The following NCOA6 variants were observed in gnomAD, a reference collection of about 807,000 sequenced individuals.
NCOA6 encodes the protein NRC RAP250.
Under a neutral mutation model 171.4 loss-of-function variants are expected in NCOA6, and 49 were observed. That is an observed-to-expected ratio of 0.29 (90% CI 0.23 to 0.36). NCOA6 has a LOEUF of 0.36. Among genes scored for constraint, NCOA6 ranks in the 10% least tolerant of loss-of-function variants. The pLI is 1.00. For missense variants in NCOA6, 2,248 were observed against 2,554.5 expected, an observed-to-expected ratio of 0.88 and a Z score of 2.59; for synonymous variants, 910 against 927.5, an observed-to-expected ratio of 0.98 and a Z score of 0.34.
chr20:34,793,480 T>G (rs2077961728), intron 1 of NCOA6, among the ~76,000 whole-genome samples: 1 of 152,136 alleles, frequency 6.6e-6, no homozygotes, highest in African/African-American at 2.4e-5. Flanking sequence ...TGCATGGAAC[T>G]TGCATGGTGG....
chr20:34,791,703 G>A (rs972735879), intron 2 of NCOA6, among the ~76,000 whole-genome samples: 1 of 152,196 alleles, frequency 6.6e-6, no homozygotes, highest in South Asian at 2.1e-4. Context: ...AACAATGACT[G>A]CTTGCCAGAG....
intron 1 of NCOA6, among the ~76,000 whole-genome samples, chr20:34,797,653 C>T (rs1166182651): frequency 3.3e-5 from 5 of 151,832 alleles, no homozygotes; most frequent in Non-Finnish European, 5.9e-5. Flanking sequence ...TTTGGGAGGC[C>T]GAGGTGGGTA....
In NCOA6 at chr20:34,776,389, T is replaced by G; in HGVS notation, c.295A>C (p.Asn99His). Residue 99 changes from asparagine to histidine, a missense_variant, in exon 4 of 15, where the codon AAC (asparagine) becomes CAC (histidine). By Grantham distance (68) the Asn-to-His change is moderately conservative (BLOSUM62 1). Around this residue, in one of 7 missense-constraint regions of NCOA6, gnomAD observed 987 missense variants for 1,104.7 expected, o/e 0.89. Coordinates refer to ENST00000359003, the MANE Select transcript of NCOA6 (RefSeq NM_014071.5). ...EPWNSVRVTFNIPREAAERLR... is the reference protein window; with the variant it reads ...EPWNSVRVTFHIPREAAERLR... ...CGCTCCGCTGCTTCCCGGGGGATGT[T>G]GAATGTCACACGCACGCTGTTCCAG... The G allele has an allele frequency of 6.2e-7, 1 of 1,614,196 alleles. No homozygotes were observed. The highest frequency in any genetic ancestry group is 8.5e-7 in the Non-Finnish European group (1 of 1,180,038).
intron 2 of NCOA6, among the ~76,000 whole-genome samples, chr20:34,791,360 T>C (rs1294244088): frequency 6.6e-6 from 1 of 152,242 alleles, no homozygotes; most frequent in Admixed American, 6.5e-5. Context: ...GAGTATTCTC[T>C]AAGTAGGGAG....
chr20:34,805,667 T>C (rs1568882685), intron 1 of NCOA6, among the ~76,000 whole-genome samples: 1 of 151,936 alleles, frequency 6.6e-6, no homozygotes, highest in East Asian at 1.9e-4. Flanking sequence ...CTGGATCATA[T>C]GGTAGTTCTC....
chr20:34,734,464 C>T (rs1293234098), intron 12 of NCOA6, among the ~76,000 whole-genome samples: 1 of 152,056 alleles, frequency 6.6e-6, no homozygotes, highest in African/African-American at 2.4e-5. Flanking sequence ...GTCAGGTGAT[C>T]CTCCTACCTC....
In NCOA6 at chr20:34,732,574, A is replaced by G; in HGVS notation, c.5984T>C (p.Ile1995Thr). The G allele has an allele frequency of 6.2e-7, 1 of 1,613,854 alleles. No individual in the cohort carries two copies. Among genetic ancestry groups the G allele is most frequent in the Admixed American group, 1.7e-5 (1 of 60,022 alleles). The change falls in exon 13 of 15, where the codon ATA becomes ACA. Residue 1995 changes from isoleucine (I) to threonine (T), a missense_variant. This residue lies in a region of NCOA6 where 884 missense variants were observed against 941.9 expected (regional missense o/e 0.94). Coordinates refer to ENST00000359003, the MANE Select transcript of NCOA6 (RefSeq NM_014071.5). Reference protein sequence around the residue: ...ARPELEVNAAIVSGQSSEPKE... With the variant: ...ARPELEVNAATVSGQSSEPKE... ...ATCATCTTACCTTTGTCCAGAGACT[A>G]TGGCAGCATTTACCTCCAGCTCTGC...
At chr20:34,770,713 G>A (rs990106465) in intron 4 of NCOA6, among the ~76,000 whole-genome samples, 3 of 150,970 alleles carry the variant, frequency 2.0e-5, no homozygotes, top group South Asian at 2.1e-4. Flanking sequence ...TCACTGTAAC[G>A]TCTGCCTCCG....
chr20:34,746,669 AAT>A, intron 10 of NCOA6, 136 bp downstream of exon 10: 1 of 1,046,126 alleles, frequency 9.6e-7, no homozygotes, highest in Non-Finnish European at 1.3e-6. Flanking sequence ...AAAGCTTCCA[AAT>A]ACCAGACACA....
chr20:34,753,921 T>C lies in NCOA6; in HGVS notation c.1675+801A>G, dbSNP rs148494304. Among the ~76,000 whole-genome samples the C allele has an allele frequency of 7.9e-5, 12 of 152,320 alleles. 1 individual carries two copies. The East Asian group carries it at 2.3e-3, about 29-fold the overall frequency. The stretch of plus-strand genomic sequence containing the variant: ...CTAGTTGCACTATCTCAGTCCAAAC[T>C]GCTTCAATGAGAAAGGGTAAGAGGA... On this transcript the variant is annotated intron_variant, in intron 8 of 14. Coordinates refer to ENST00000359003, the MANE Select transcript of NCOA6 (RefSeq NM_014071.5).
intron 11 of NCOA6, chr20:34,739,017 C>T: frequency 2.3e-6 from 1 of 439,706 alleles, no homozygotes; most frequent in African/African-American, 2.0e-5. Context: ...TGACTGACTC[C>T]ACTCTGGGGA....
In NCOA6 at chr20:34,742,115, G is replaced by A. The variant is rs2076163433; in HGVS notation, c.4141C>T (p.Leu1381=). ...PRNVLVSPTP[L]ANPPVPGSFP... ...CTCCCAGGTACAGGGGGATTGGCCA[G>A]AGGAGTGGGACTGACCAATACATTT... The change falls in exon 11 of 15, where the codon CTG becomes TTG. Residue 1381 remains leucine (L), a synonymous_variant. Coordinates refer to ENST00000359003, the MANE Select transcript of NCOA6 (RefSeq NM_014071.5). 6.2e-7 allele frequency: 1 copy of A among 1,614,210 alleles called. No homozygotes were observed. Among genetic ancestry groups the A allele is most frequent in the Non-Finnish European group, 8.5e-7 (1 of 1,180,040 alleles).
Position 34,740,741 on chromosome 20 carries a change from G to T in NCOA6, c.5515C>A (p.Leu1839Ile). Residue 1839 changes from leucine (L) to isoleucine (I), a missense_variant, in exon 11 of 15, where the codon CTT (leucine) becomes ATT (isoleucine). This residue lies in a region of NCOA6 where 884 missense variants were observed against 941.9 expected (regional missense o/e 0.94). Coordinates refer to ENST00000359003, the MANE Select transcript of NCOA6 (RefSeq NM_014071.5). Reference sequence around the variant, plus strand: ...CCATATTGTTCTTCCCCTTTCTCAAGAGAGCCTGTAACTTTCTTACATGCC... The same window carrying T: ...CCATATTGTTCTTCCCCTTTCTCAATAGAGCCTGTAACTTTCTTACATGCC... ...TKACKKVTGSLEKGEEQYGAD... is the reference protein window; with the variant it reads ...TKACKKVTGSIEKGEEQYGAD... 1 of 1,614,226 alleles carries T rather than the reference G, an allele frequency of 6.2e-7. No individual in the cohort carries two copies. Among genetic ancestry groups the T allele is most frequent in the South Asian group, 1.1e-5 (1 of 91,090 alleles).
At chr20:34,735,725 C>T (rs1318172297) in intron 12 of NCOA6, among the ~76,000 whole-genome samples, 2 of 152,094 alleles carry the variant, frequency 1.3e-5, no homozygotes, top group African/African-American at 4.8e-5. Context: ...TTTCAGAGGC[C>T]TGATTTTATT....
At chr20:34,794,368 A>G (rs1359131355) in intron 1 of NCOA6, among the ~76,000 whole-genome samples, 3 of 152,194 alleles carry the variant, frequency 2.0e-5, no homozygotes, top group Non-Finnish European at 4.4e-5. Flanking sequence ...CTACAGATAC[A>G]CTTATCATCA....
chr20:34,743,096 C>T lies in NCOA6; in HGVS notation c.3160G>A (p.Val1054Ile), dbSNP rs1177684809. 1.2e-6 allele frequency: 2 copies of T among 1,613,346 alleles called. No homozygotes were observed. The highest frequency in any genetic ancestry group is 1.7e-6 in the Non-Finnish European group (2 of 1,179,494). The part of the protein sequence containing the change: ...KSVRLPVSQN[V>I]HPPRGPLNPD... ...TTCAGGGGGCCCCTTGGAGGATGGA[C>T]ATTTTGAGAGACTGGAAGCCTAACT... The change falls in exon 11 of 15, where the codon GTC becomes ATC. Residue 1054 changes from valine (V) to isoleucine (I), a missense_variant. Transcript: ENST00000359003.
intron 6 of NCOA6, 83 bp downstream of exon 6, chr20:34,758,722 T>C: frequency 6.5e-7 from 1 of 1,529,706 alleles, no homozygotes. Flanking sequence ...AATTAGAAAT[T>C]CAGCATCAGA....
intron 1 of NCOA6, among the ~76,000 whole-genome samples, chr20:34,815,353 G>A (rs1314390979): frequency 6.6e-6 from 1 of 151,866 alleles, no homozygotes; most frequent in Admixed American, 6.6e-5. Context: ...CTCCAGCCTG[G>A]GTGACAAAGC....
chr20:34,736,868 G>T, intron 11 of NCOA6, 110 bp from the exon 12 acceptor site: 2 of 903,656 alleles, frequency 2.2e-6, no homozygotes, highest in Non-Finnish European at 3.2e-6. Flanking sequence ...TACTCTTAGA[G>T]GGCAGTACTC....
Sources: allele counts gnomAD v4.1 joint callset (sites outside exome capture counted in the v4.1 genomes callset), GRCh38; gene constraint gnomAD v4.1.1; regional missense constraint gnomAD v4.1.1; transcripts MANE v1.5; gene names NCBI Gene and HGNC (gene_info 2026-07-23, HGNC 2026-07-21).